The following NIPBL variants were observed in gnomAD, a reference collection of about 807,000 sequenced individuals.
The protein encoded by NIPBL is NIPBL cohesin loading factor.
NIPBL carries 19 observed loss-of-function variants against 321.8 expected under a neutral mutation model. The observed-to-expected ratio is 0.06, with a 90% CI of 0.04 to 0.09. The LOEUF (loss-of-function observed/expected upper bound fraction) is 0.09. NIPBL is among the 10% of genes least tolerant of loss of function. The pLI, the probability that NIPBL is intolerant of heterozygous loss-of-function variation, is 1.00. For synonymous variants in NIPBL, 1,106 were observed against 1,114.1 expected, an observed-to-expected ratio of 0.99 and a Z score of 0.14; for missense variants, 2,210 against 3,327.0, an observed-to-expected ratio of 0.66 and a Z score of 8.26.
intron 34 of NIPBL, 21 bp downstream of exon 34, chr5:37,038,759 TTCTTGTA>T: frequency 6.2e-7 from 1 of 1,609,892 alleles, no homozygotes; most frequent in Non-Finnish European, 8.5e-7. Flanking sequence ...AGCTGTCTTA[TTCTTGTA>T]TCTTACATAA....
At chr5:37,045,079 C>T (rs992685818) in intron 36 of NIPBL, among the ~76,000 whole-genome samples, 1 of 152,150 alleles carries the variant, frequency 6.6e-6, no homozygotes, top group Non-Finnish European at 1.5e-5. Context: ...TGGCTGGGGA[C>T]AGTGGCTCAT....
intron 32 of NIPBL, among the ~76,000 whole-genome samples, 196 bp downstream of exon 32, chr5:37,027,608 T>G (rs1750446525): frequency 7.3e-6 from 1 of 137,514 alleles, no homozygotes. Context: ...TTGTGGTTTT[T>G]TTTTTTTTTT....
chr5:36,890,184 C>A (rs1205678357), intron 1 of NIPBL, among the ~76,000 whole-genome samples: 3 of 152,018 alleles, frequency 2.0e-5, no homozygotes, highest in Non-Finnish European at 4.4e-5. Context: ...TCTATTCTTG[C>A]ATACTTTTTG....
At chr5:36,914,092 C>T (rs187261263) in intron 1 of NIPBL, among the ~76,000 whole-genome samples, 3 of 152,324 alleles carry the variant, frequency 2.0e-5, no homozygotes, top group Admixed American at 6.5e-5. Context: ...GTGACCACCA[C>T]ATGGAAATAA....
At chr5:36,952,053 T>TGTGTGTGTGCGCGCGCGCGCGC (rs778597604) in intron 1 of NIPBL, among the ~76,000 whole-genome samples, 1 of 112,114 alleles carries the variant, frequency 8.9e-6, no homozygotes, top group Non-Finnish European at 1.9e-5. Flanking sequence ...TGTGTGTGTG[T>TGTGTGTGTGCGCGCGCGCGCGC]GCGCGCGCGC....
rs1740853767 is a variant in NIPBL, at chr5:36,955,658, A to G, written c.230+21A>G. The G allele has an allele frequency of 3.1e-6, 5 of 1,605,288 alleles. No individual in the cohort carries two copies. The African/African-American group carries it at 5.4e-5, about 17-fold the overall frequency. On this transcript the variant is annotated intron_variant, in intron 3 of 46. Coordinates refer to ENST00000282516, the MANE Select transcript of NIPBL (RefSeq NM_133433.4). ...CACATGTAAGTATGATCAATTTTAT[A>G]TCTACTATAAGTGAAAAGTTTTGGC...
At chr5:37,015,122 A>AT (rs376269954) in intron 22 of NIPBL, among the ~76,000 whole-genome samples, 369 of 144,210 alleles carry the variant, frequency 2.6e-3, no homozygotes, top group Admixed American at 2.6e-3. Context: ...CTCCATATGA[A>AT]TTTTTTTTTT....
intron 10 of NIPBL, 34 bp from the exon 11 acceptor site, chr5:36,995,588 A>T: frequency 2.0e-6 from 3 of 1,499,072 alleles, no homozygotes; most frequent in African/African-American, 2.8e-5. Context: ...CTTCAGATTT[A>T]CATTTTTTTT....
chr5:36,913,833 T>C (rs1748238611), intron 1 of NIPBL, among the ~76,000 whole-genome samples: 1 of 152,240 alleles, frequency 6.6e-6, no homozygotes, highest in Admixed American at 6.5e-5. Context: ...TTCTTCTCTT[T>C]GCAGGCAAAC....
chr5:37,002,864 T>C (rs1000252954), intron 15 of NIPBL, 99 bp downstream of exon 15: 9 of 750,276 alleles, frequency 1.2e-5, no homozygotes, highest in Admixed American at 1.1e-4. Flanking sequence ...GTAAAGTAAA[T>C]AGTAAAAAGA....
chr5:36,925,053 A>T (rs1004940463), intron 1 of NIPBL, among the ~76,000 whole-genome samples: 3 of 152,188 alleles, frequency 2.0e-5, no homozygotes, highest in African/African-American at 7.2e-5. Context: ...GGTATTTCAT[A>T]AGTATGAAGT....
intron 1 of NIPBL, among the ~76,000 whole-genome samples, chr5:36,907,699 A>G (rs1747744209): frequency 6.6e-6 from 1 of 152,200 alleles, no homozygotes; most frequent in Admixed American, 6.5e-5. Flanking sequence ...TGCAGTCCAC[A>G]ATATTTATAA....
At chr5:37,003,129 G>A (rs1580443728) in intron 15 of NIPBL, 132 bp from the exon 16 acceptor site, 3 of 591,472 alleles carry the variant, frequency 5.1e-6, no homozygotes, top group East Asian at 5.6e-5. Context: ...AAGTGGGAAA[G>A]TTTTCTTACT....
In NIPBL at chr5:36,953,504, A is replaced by G; in HGVS notation, c.-79-114A>G. The G allele has an allele frequency of 1.5e-5, 9 of 611,042 alleles. No homozygotes were observed. In the South Asian group the frequency reaches 1.8e-4, roughly 12 times the overall value. The allele number at this position is 611,042 out of a possible 1,614,324, so 37.9% of individuals were successfully genotyped here. The stretch of plus-strand genomic sequence containing the variant: ...TAAGTGGTATGTGAAAATGATTATT[A>G]TATAGGTTGAACAAACCAAAGCAGT... On this transcript the variant is annotated intron_variant, in intron 1 of 46. Transcript: ENST00000282516.
chr5:37,033,738 T>C (rs1289973774), intron 32 of NIPBL, among the ~76,000 whole-genome samples: 1 of 126,800 alleles, frequency 7.9e-6, no homozygotes, highest in Admixed American at 8.0e-5. Context: ...ATATTTTTTT[T>C]TTTTTTTTTT....
At chr5:36,905,535 A>G (rs1257033378) in intron 1 of NIPBL, among the ~76,000 whole-genome samples, 1 of 152,166 alleles carries the variant, frequency 6.6e-6, no homozygotes, top group Admixed American at 6.5e-5. Context: ...TTCCTGAACC[A>G]ATCTTAATGA....
In NIPBL at chr5:36,975,945, T is replaced by C; in HGVS notation, c.1038T>C (p.Asp346=). The change falls in exon 9 of 47, where the codon GAT becomes GAC. Residue 346 remains aspartate, a synonymous_variant. Transcript: ENST00000282516. ...KEQSEKAAMY[D]IISSPSKDST... ...AGAGTGAGAAAGCGGCAATGTATGA[T>C]ATAATTAGTTCTCCATCCAAGGACT... is the stretch of plus-strand genomic sequence containing the variant. 6.2e-7 allele frequency: 1 copy of C among 1,613,960 alleles called. No individual in the cohort carries two copies. The highest frequency in any genetic ancestry group is 8.5e-7 in the Non-Finnish European group (1 of 1,179,912).
chr5:36,952,159 G>C (rs1350678330), intron 1 of NIPBL, among the ~76,000 whole-genome samples: 1 of 151,068 alleles, frequency 6.6e-6, no homozygotes, highest in East Asian at 2.0e-4. Flanking sequence ...GAAATTCTTA[G>C]TTTTAACTAC....
At chr5:36,912,647 A>C (rs1748136132) in intron 1 of NIPBL, among the ~76,000 whole-genome samples, 1 of 151,648 alleles carries the variant, frequency 6.6e-6, no homozygotes, top group African/African-American at 2.4e-5. Context: ...GATTACAGGC[A>C]TGTGCCACCA....
Sources: gnomAD v4.1 joint callset for allele counts (sites outside exome capture counted in the v4.1 genomes callset) on GRCh38, gnomAD v4.1.1 for gene constraint, MANE v1.5 for transcripts, NCBI Gene and HGNC (gene_info 2026-07-23, HGNC 2026-07-21) for gene names.